DOP1B: variants seen among roughly 807,000 people sequenced by gnomAD.
The protein encoded by DOP1B is protein DOP1B.
A neutral mutation model predicts 233.5 loss-of-function variants in DOP1B; 174 were observed. The observed-to-expected ratio is 0.75, with a 90% CI of 0.66 to 0.85. The LOEUF is 0.85. Among genes scored for constraint, DOP1B ranks in the 40% least tolerant of loss-of-function variants. The probability of loss-of-function intolerance (pLI) is 0.00; values close to 1 mark genes in which losing one functional copy is unlikely to be tolerated. For missense variants in DOP1B, 2,652 were observed against 2,846.6 expected, an observed-to-expected ratio of 0.93 and a Z score of 1.56; for synonymous variants, 1,190 against 1,185.6, an observed-to-expected ratio of 1.00 and a Z score of -0.08.
Position 36,293,554 on chromosome 21 carries a change from G to A in DOP1B, c.6880G>A (p.Glu2294Lys), listed in dbSNP as rs1268920620. Residue 2294 changes from glutamate (E) to lysine (K), a missense_variant, in exon 37 of 37, where the codon GAA becomes AAA. Around this residue, in one of 3 missense-constraint regions of DOP1B, gnomAD observed 31 missense variants for 34.2 expected, o/e 0.91. Transcript: ENST00000691173. ...LEECIEYDFL[E>K]HPEC ...AGAATGCATCGAATATGATTTTCTG[G>A]AACATCCAGAATGTTAACCATGTGA... 1.2e-6 allele frequency: 2 copies of A among 1,613,998 alleles called. No individual in the cohort carries two copies. The highest frequency in any genetic ancestry group is 1.1e-5 in the South Asian group (1 of 91,066).
chr21:36,196,459 C>T (rs2066290969), intron 2 of DOP1B, among the ~76,000 whole-genome samples: 1 of 151,884 alleles, frequency 6.6e-6, no homozygotes, highest in African/African-American at 2.4e-5. Context: ...TTCTCTGCTG[C>T]TACCGTCAGT....
chr21:36,270,241 A>T, intron 27 of DOP1B, 84 bp downstream of exon 27: 1 of 1,470,900 alleles, frequency 6.8e-7, no homozygotes, highest in Non-Finnish European at 9.2e-7. Context: ...GAGTGTTCTC[A>T]CCACAAAAAG....
rs768571589 is a variant in DOP1B, at chr21:36,227,709, C to T, written c.1497C>T (p.Thr499=). The T allele has an allele frequency of 6.5e-5, 103 of 1,576,448 alleles. No homozygotes were observed. Among genetic ancestry groups the T allele is most frequent in the Non-Finnish European group, 8.3e-5 (96 of 1,156,588 alleles). ...AGGAACTTTACTCTGAGGTGCAAAC[C>T]CAGTATCTCCCTCAGGTGCTCGGCT... The part of the protein sequence containing the change: ...IPLELYSEVQ[T]QYLPQVLGCL... The change falls in exon 13 of 37, where the codon ACC becomes ACT. Residue 499 remains threonine (T), a synonymous_variant. Coordinates refer to ENST00000691173, the MANE Select transcript of DOP1B (RefSeq NM_001320714.2).
rs1163297355 is a variant in DOP1B, at chr21:36,271,279, T to TCACCCAGGTTGGAGTG, written c.5632+1137_5632+1138insGCACCCAGGTTGGAGT. Among the ~76,000 whole-genome samples, 3 of 138,432 alleles carry TCACCCAGGTTGGAGTG rather than the reference T, an allele frequency of 2.2e-5. No individual in the cohort carries two copies. The Admixed American group carries it at 2.5e-4, about 11-fold the overall frequency. 90.8% of individuals were successfully genotyped at this position (138,432 alleles called of 152,430 possible). On this transcript the variant is annotated intron_variant, in intron 27 of 36. Coordinates refer to ENST00000691173, the MANE Select transcript of DOP1B (RefSeq NM_001320714.2). ...GGTTGGAGTTCACCCAGGTTGGAGTTCACCCAGGTTGGAGTTCACCCAGGT... is the reference window on the plus strand; with the variant it reads ...GGTTGGAGTTCACCCAGGTTGGAGTTCACCCAGGTTGGAGTGCACCCAGGTTGGAGTTCACCCAGGT...
chr21:36,278,329 C>T lies in DOP1B; in HGVS notation c.5943C>T (p.Phe1981=). 2 of 1,613,726 alleles carry T rather than the reference C, an allele frequency of 1.2e-6. No homozygotes were observed. The highest frequency in any genetic ancestry group is 1.7e-6 in the Non-Finnish European group (2 of 1,179,996). The change falls in exon 30 of 37, where the codon TTC becomes TTT. Residue 1981 remains phenylalanine, a synonymous_variant. Transcript: ENST00000691173. ...EVLELFLDPA[F]FQMDTSCVHW... ...TGGAGCTGTTTCTCGACCCCGCTTT[C>T]TTTCAGATGGATACTTCCTGTGTTC...
chr21:36,177,911 A>C (rs2066050543), intron 2 of DOP1B, among the ~76,000 whole-genome samples: 1 of 152,338 alleles, frequency 6.6e-6, no homozygotes, highest in African/African-American at 2.4e-5. Context: ...AGACTAAAAT[A>C]TCCAGCAATC....
chr21:36,219,282 T>C, intron 9 of DOP1B, 90 bp from the exon 10 acceptor site: 1 of 1,501,728 alleles, frequency 6.7e-7, no homozygotes. Flanking sequence ...ACAGGTTTAC[T>C]GTATATATGT....
intron 2 of DOP1B, among the ~76,000 whole-genome samples, chr21:36,194,442 T>C (rs1200107626): frequency 6.6e-6 from 1 of 151,940 alleles, no homozygotes; most frequent in Non-Finnish European, 1.5e-5. Context: ...TTCTAAGTCC[T>C]GTTGGTTCAT....
intron 28 of DOP1B, 134 bp from the exon 29 acceptor site, chr21:36,277,841 C>G: frequency 1.5e-6 from 1 of 664,046 alleles, no homozygotes; most frequent in Non-Finnish European, 2.6e-6. Context: ...GGGGTTTCAC[C>G]ATGTTGGCCA....
chr21:36,190,742 G>T (rs2066224296), intron 2 of DOP1B, among the ~76,000 whole-genome samples: 1 of 152,212 alleles, frequency 6.6e-6, no homozygotes, highest in Non-Finnish European at 1.5e-5. Context: ...AGTTGCAGAA[G>T]AATATTTCTC....
intron 36 of DOP1B, among the ~76,000 whole-genome samples, 177 bp downstream of exon 36, chr21:36,292,410 C>T (rs1249259936): frequency 6.6e-6 from 1 of 151,676 alleles, no homozygotes; most frequent in African/African-American, 2.4e-5. Flanking sequence ...GAATGTGCCA[C>T]CACACCTGGC....
chr21:36,225,862 G>A (rs1475904376), intron 12 of DOP1B, among the ~76,000 whole-genome samples, 195 bp downstream of exon 12: 1 of 152,144 alleles, frequency 6.6e-6, no homozygotes, highest in Non-Finnish European at 1.5e-5. Context: ...TTTAAAAGGG[G>A]CTATAACTTT....
At chr21:36,269,283 G>A (rs957712068) in intron 26 of DOP1B, among the ~76,000 whole-genome samples, 5 of 151,930 alleles carry the variant, frequency 3.3e-5, no homozygotes, top group African/African-American at 9.7e-5. Flanking sequence ...AGCCTCCAAA[G>A]TAGCTGGGAT....
intron 5 of DOP1B, 137 bp downstream of exon 5, chr21:36,209,041 A>G (rs2123489967): frequency 9.8e-7 from 1 of 1,016,332 alleles, no homozygotes; most frequent in East Asian, 3.2e-5. Flanking sequence ...TGGGTAACGA[A>G]CGGCTGAGCA....
At position 36,214,385 on chromosome 21, in the gene DOP1B, T is replaced by C. The variant is rs1197023534; in HGVS notation, c.1015-57T>C. The C allele has an allele frequency of 3.3e-6, 5 of 1,522,994 alleles. No individual in the cohort carries two copies. In the East Asian group the frequency reaches 9.1e-5, roughly 28 times the overall value. 94.3% of individuals were successfully genotyped at this position (1,522,994 alleles called of 1,614,324 possible). On this transcript the variant is annotated intron_variant, in intron 8 of 36. Transcript: ENST00000691173. ...ATTTAACAATTAGAATAGCCAGTAA[T>C]GTTGTTACACTTTATGATATACGAT...
chr21:36,195,440 G>T (rs2066280100), intron 2 of DOP1B, among the ~76,000 whole-genome samples: 1 of 148,026 alleles, frequency 6.8e-6, no homozygotes, highest in Admixed American at 6.9e-5. Context: ...AGACTGAGGT[G>T]GGAGGATTGC....
intron 16 of DOP1B, 109 bp from the exon 17 acceptor site, chr21:36,238,492 C>T: frequency 1.1e-6 from 1 of 871,264 alleles, no homozygotes; most frequent in Non-Finnish European, 1.9e-6. Flanking sequence ...TGGTTGCTGT[C>T]AGTTCTGCTG....
At position 36,260,664 on chromosome 21, in the gene DOP1B, C is replaced by G. The variant is rs372574202; in HGVS notation, c.5260-13C>G. The G allele has an allele frequency of 1.6e-5, 26 of 1,613,642 alleles. No homozygotes were observed. In the African/African-American group the frequency reaches 2.3e-4, roughly 14 times the overall value. On this transcript the variant is annotated splice_polypyrimidine_tract_variant and intron_variant, in intron 23 of 36. Transcript: ENST00000691173. ...CACCAACTCGGAGTAATTGGTTTTA[C>G]TTTCATTTTCAGAAATCGCCCCTAG...
intron 2 of DOP1B, among the ~76,000 whole-genome samples, chr21:36,189,151 A>T (rs13047140): frequency 0.022 from 3,283 of 152,230 alleles, 59 homozygotes; most frequent in Non-Finnish European, 0.034. Context: ...GGAAACAAAG[A>T]TATTTTCTTG....
Sources: allele counts gnomAD v4.1 joint callset (sites outside exome capture counted in the v4.1 genomes callset), GRCh38; gene constraint gnomAD v4.1.1; regional missense constraint gnomAD v4.1.1; transcripts MANE v1.5; gene names NCBI Gene and HGNC (gene_info 2026-07-23, HGNC 2026-07-21).